Variants in SLC44A1 observed in about 807,000 individuals in gnomAD.
SLC44A1 encodes solute carrier family 44 member 1.
Under a neutral mutation model 79.3 loss-of-function variants are expected in SLC44A1, and 26 were observed. The observed-to-expected ratio is 0.33, with a 90% CI of 0.24 to 0.46. The LOEUF is 0.46. Among genes scored for constraint, SLC44A1 ranks in the 20% least tolerant of loss-of-function variants. The probability of loss-of-function intolerance (pLI) is 1.00; values close to 1 mark genes in which losing one functional copy is unlikely to be tolerated. For synonymous variants in SLC44A1, 263 were observed against 286.2 expected (o/e 0.92, Z 0.82); for missense variants, 688 against 798.1 (o/e 0.86, Z 1.66).
chr9:105,351,627 A>G lies in SLC44A1; in HGVS notation c.500+3176A>G, dbSNP rs1564452919. On this transcript the variant is annotated intron_variant, in intron 5 of 15. Coordinates refer to ENST00000374720, the MANE Select transcript of SLC44A1 (RefSeq NM_080546.5). ...GAAAGAAAGAAAGAAAGAAAGAGAGAGAAAGAGAAAGAAAGAAAGAAAGAA... is the reference window on the plus strand; with the variant it reads ...GAAAGAAAGAAAGAAAGAAAGAGAGGGAAAGAGAAAGAAAGAAAGAAAGAA... 2.1e-3 allele frequency among the ~76,000 whole-genome samples: 137 copies of G among 66,130 alleles called. No individual in the cohort carries two copies. The Middle Eastern group carries it at 0.021, about 10-fold the overall frequency. The allele number at this position is 66,130 out of a possible 152,430, so 43.4% of individuals were successfully genotyped here.
chr9:105,274,780 C>G (rs1283827066), intron 1 of SLC44A1, among the ~76,000 whole-genome samples: 4 of 152,132 alleles, frequency 2.6e-5, no homozygotes, highest in Non-Finnish European at 5.9e-5. Flanking sequence ...TGGTTAACCT[C>G]ACAACTGTTA....
chr9:105,299,128 G>A, intron 1 of SLC44A1, 92 bp from the exon 2 acceptor site: 1 of 864,422 alleles, frequency 1.2e-6, no homozygotes, highest in Non-Finnish European at 1.8e-6. Context: ...GTTTGGCAAA[G>A]AAGGGCTCTA....
At chr9:105,383,764 A>ACTG (rs763336483) in intron 14 of SLC44A1, among the ~76,000 whole-genome samples, 9 of 152,210 alleles carry the variant, frequency 5.9e-5, no homozygotes, top group Non-Finnish European at 1.3e-4. Flanking sequence ...CCCAAACATT[A>ACTG]CTGCTGTCAA....
chr9:105,260,243 A>G (rs1174634648), intron 1 of SLC44A1, among the ~76,000 whole-genome samples: 1 of 152,144 alleles, frequency 6.6e-6, no homozygotes, highest in Non-Finnish European at 1.5e-5. Context: ...AATCATGCAT[A>G]TTAACATATT....
At chr9:105,278,508 G>A (rs328002) in intron 1 of SLC44A1, among the ~76,000 whole-genome samples, 22,402 of 152,000 alleles carry the variant, frequency 0.15, 2,240 homozygotes, top group African/African-American at 0.28. Flanking sequence ...TCGGCCTCCC[G>A]AAGTGCTGGG....
At chr9:105,368,480 ATC>A (rs1828006114) in intron 12 of SLC44A1, among the ~76,000 whole-genome samples, 1 of 152,074 alleles carries the variant, frequency 6.6e-6, no homozygotes, top group Admixed American at 6.5e-5. Context: ...TTATTTTCTC[ATC>A]TGTTTCATAG....
intron 1 of SLC44A1, among the ~76,000 whole-genome samples, chr9:105,247,325 G>A (rs1487995868): frequency 3.9e-5 from 6 of 152,022 alleles, no homozygotes; most frequent in East Asian, 1.9e-4. Flanking sequence ...ACGGGGTTTC[G>A]CTTTTGTTGC....
At chr9:105,370,050 T>C (rs531335163) in intron 12 of SLC44A1, among the ~76,000 whole-genome samples, 1 of 152,348 alleles carries the variant, frequency 6.6e-6, no homozygotes, top group Admixed American at 6.5e-5. Flanking sequence ...TGTTAATCAG[T>C]GATGTCTGTC....
chr9:105,324,868 G>A (rs1344556825), intron 3 of SLC44A1, among the ~76,000 whole-genome samples: 3 of 152,240 alleles, frequency 2.0e-5, no homozygotes, highest in East Asian at 1.9e-4. Flanking sequence ...TGGTGAGAAT[G>A]TGGAGAAATT....
chr9:105,375,201 G>T (rs1455687073), intron 13 of SLC44A1, among the ~76,000 whole-genome samples: 3 of 152,050 alleles, frequency 2.0e-5, no homozygotes, highest in African/African-American at 7.2e-5. Context: ...CACCACGCCC[G>T]GCTAATTTTT....
intron 3 of SLC44A1, among the ~76,000 whole-genome samples, chr9:105,319,390 A>C (rs1826313147): frequency 6.6e-6 from 1 of 152,180 alleles, no homozygotes; most frequent in Non-Finnish European, 1.5e-5. Context: ...AGTGGAGTAC[A>C]CGGAGTCCGA....
chr9:105,271,020 A>T (rs1186782175), intron 1 of SLC44A1, among the ~76,000 whole-genome samples: 5 of 152,212 alleles, frequency 3.3e-5, no homozygotes, highest in African/African-American at 1.2e-4. Context: ...TAAAAACTAA[A>T]TTCTATTCTT....
intron 5 of SLC44A1, among the ~76,000 whole-genome samples, chr9:105,351,624 G>GGGAGAA (rs1564452907): frequency 1.8e-5 from 1 of 54,878 alleles, no homozygotes; most frequent in Admixed American, 2.0e-4. Context: ...GAAAGAAAGA[G>GGGAGAA]AGAGAAAGAG....
At chr9:105,287,387 A>G (rs373203914) in intron 1 of SLC44A1, among the ~76,000 whole-genome samples, 99 of 152,342 alleles carry the variant, frequency 6.5e-4, no homozygotes, top group African/African-American at 2.4e-3. Context: ...ACAATTGTCT[A>G]TAAAACTGTG....
At chr9:105,343,093 T>C (rs924987476) in intron 4 of SLC44A1, among the ~76,000 whole-genome samples, 1 of 152,114 alleles carries the variant, frequency 6.6e-6, no homozygotes, top group African/African-American at 2.4e-5. Context: ...TATTACCGTT[T>C]CCATTATTCT....
chr9:105,293,283 T>C (rs934835405), intron 1 of SLC44A1, among the ~76,000 whole-genome samples: 1 of 152,272 alleles, frequency 6.6e-6, no homozygotes, highest in Non-Finnish European at 1.5e-5. Flanking sequence ...TAGGTAGTAC[T>C]CTTATTGTAT....
chr9:105,417,386 C>T (rs1054885340), intron 15 of SLC44A1, among the ~76,000 whole-genome samples: 3 of 152,058 alleles, frequency 2.0e-5, no homozygotes, highest in Admixed American at 1.3e-4. Context: ...ATAAAGAAAC[C>T]TTGTTTCACC....
At chr9:105,293,039 C>A (rs554845915) in intron 1 of SLC44A1, among the ~76,000 whole-genome samples, 1 of 152,226 alleles carries the variant, frequency 6.6e-6, no homozygotes, top group Admixed American at 6.5e-5. Flanking sequence ...TGCCTGTAGT[C>A]CCAGCTACTC....
chr9:105,258,941 G>A (rs1483402961), intron 1 of SLC44A1, among the ~76,000 whole-genome samples: 1 of 151,854 alleles, frequency 6.6e-6, no homozygotes, highest in African/African-American at 2.4e-5. Flanking sequence ...CTGACCTCAG[G>A]TGATCCGCCC....
Sources: gnomAD v4.1 joint callset for allele counts (sites outside exome capture counted in the v4.1 genomes callset) on GRCh38, gnomAD v4.1.1 for gene constraint, MANE v1.5 for transcripts, NCBI Gene and HGNC (gene_info 2026-07-23, HGNC 2026-07-21) for gene names.